The following KIAA0930 variants were observed in gnomAD, a reference collection of about 807,000 sequenced individuals.
KIAA0930 encodes KIAA0930.
A neutral mutation model predicts 43.9 loss-of-function variants in KIAA0930; 24 were observed. The ratio of observed to expected loss-of-function variants is 0.55; its 90% CI spans 0.40 to 0.77. The LOEUF is 0.77. Among genes scored for constraint, KIAA0930 ranks in the 30% least tolerant of loss-of-function variants. The probability of loss-of-function intolerance (pLI) is 0.00; values close to 1 mark genes in which losing one functional copy is unlikely to be tolerated. For synonymous variants in KIAA0930, 259 were observed against 216.4 expected, an observed-to-expected ratio of 1.20 and a Z score of -1.73; for missense variants, 461 against 574.2, an observed-to-expected ratio of 0.80 and a Z score of 2.02.
chr22:45,202,346 G>C (rs114688689), intron 7 of KIAA0930, among the ~76,000 whole-genome samples: 2,988 of 152,348 alleles, frequency 0.02, 101 homozygotes, highest in African/African-American at 0.067. Flanking sequence ...CCTGGGGAAG[G>C]AGAGTGGCCT....
rs1006700065 is a variant in KIAA0930 at position 45,240,559 on chromosome 22, G to C, written c.64+81C>G. 4.1e-6 allele frequency: 4 copies of C among 982,410 alleles called. No individual in the cohort carries two copies. In the African/African-American group the frequency reaches 5.0e-5, roughly 12 times the overall value. 60.9% of individuals were successfully genotyped at this position (982,410 alleles called of 1,614,324 possible). ...GCGCAGAGACAGAGATGCGCGGGGC[G>C]CACAGAAACACGGACGCGCAGAGGC... On this transcript the variant is annotated intron_variant, in intron 1 of 9. Coordinates refer to ENST00000336156, the MANE Select transcript of KIAA0930 (RefSeq NM_001009880.2).
intron 1 of KIAA0930, among the ~76,000 whole-genome samples, chr22:45,231,223 G>GGAAAA (rs1555901092): frequency 8.4e-5 from 4 of 47,432 alleles, no homozygotes; most frequent in South Asian, 8.5e-4. Context: ...CTCCGTCTCA[G>GGAAAA]AAAAAAAAAA....
chr22:45,197,257 C>T, intron 9 of KIAA0930, 41 bp from the exon 10 acceptor site: 2 of 1,535,886 alleles, frequency 1.3e-6, no homozygotes, highest in Non-Finnish European at 1.8e-6. Context: ...CAGTAACCCT[C>T]AACAGCGGTG....
At chr22:45,212,411 A>C in intron 1 of KIAA0930, 2 of 1,554,086 alleles carry the variant, frequency 1.3e-6, no homozygotes, top group Non-Finnish European at 1.7e-6. Flanking sequence ...AGGAAAAGGA[A>C]AATCCCGAGG....
At chr22:45,205,072 A>G (rs2083623994) in intron 5 of KIAA0930, 145 bp downstream of exon 5, 1 of 662,324 alleles carries the variant, frequency 1.5e-6, no homozygotes, top group Non-Finnish European at 2.7e-6. Context: ...CTGGGAAGAG[A>G]GAGAGCCACA....
chr22:45,196,145 G>C lies in KIAA0930; in HGVS notation c.*1031C>G, dbSNP rs2083534043. The stretch of plus-strand genomic sequence containing the variant: ...ACGCCTTCATGCTGGACCAGGCCGA[G>C]GGCAGGCCTGGGGCTGGGCAGCTGC... On this transcript the variant is annotated 3_prime_UTR_variant, in exon 10 of 10. Transcript: ENST00000336156. This position sits in a 1 kb window ranked among gnomAD's most constrained non-coding sequence, Gnocchi z 4.1. 2 of 152,274 alleles carry C rather than the reference G, an allele frequency of 1.3e-5. No homozygotes were observed. The highest frequency in any genetic ancestry group is 3.9e-4 in the East Asian group (2 of 5,188). 9.4% of individuals were successfully genotyped at this position (152,274 alleles called of 1,614,324 possible). A position where few individuals can be genotyped will look rare whatever the true frequency, so the allele number is the denominator to read the frequency against.
At chr22:45,215,891 G>A (rs1394609328) in intron 1 of KIAA0930, among the ~76,000 whole-genome samples, 1 of 152,212 alleles carries the variant, frequency 6.6e-6, no homozygotes, top group African/African-American at 2.4e-5. Flanking sequence ...AAGGGAACGG[G>A]GAGGCGGGTG....
chr22:45,230,534 A>G (rs536825172), intron 1 of KIAA0930, among the ~76,000 whole-genome samples: 31 of 144,152 alleles, frequency 2.2e-4, no homozygotes, highest in Non-Finnish European at 4.1e-4. Flanking sequence ...AATCTCAACA[A>G]ACAGGCCTTG....
intron 1 of KIAA0930, among the ~76,000 whole-genome samples, chr22:45,220,681 A>T (rs2083762164): frequency 6.6e-6 from 1 of 152,116 alleles, no homozygotes; most frequent in South Asian, 2.1e-4. Flanking sequence ...TCCAGCCTCA[A>T]GCGATCCTCC....
At chr22:45,212,962 GCT>G (rs1246884762) in intron 1 of KIAA0930, among the ~76,000 whole-genome samples, 1 of 152,130 alleles carries the variant, frequency 6.6e-6, no homozygotes, top group Admixed American at 6.5e-5. Flanking sequence ...ATGCAGCCAA[GCT>G]CTCTCTTATC....
At chr22:45,202,896 C>G in intron 7 of KIAA0930, 94 bp downstream of exon 7, 1 of 1,067,650 alleles carries the variant, frequency 9.4e-7, no homozygotes, top group Non-Finnish European at 1.3e-6. Flanking sequence ...GGGATGACAA[C>G]ACCTATGTCC....
At chr22:45,235,812 G>A (rs1039539390) in intron 1 of KIAA0930, among the ~76,000 whole-genome samples, 1 of 152,222 alleles carries the variant, frequency 6.6e-6, no homozygotes, top group African/African-American at 2.4e-5. Flanking sequence ...TGAGGACACT[G>A]AGGCCCGAGG....
Position 45,197,042 on chromosome 22 carries a change from T to G in KIAA0930, c.*134A>C. ...GTGGAGTCGGCCCCGGCCCCGGGAG[T>G]CGAGTGGCCTCGCCTGGCTGCGGCT... On this transcript the variant is annotated 3_prime_UTR_variant, in exon 10 of 10. Coordinates refer to ENST00000336156, the MANE Select transcript of KIAA0930 (RefSeq NM_001009880.2). 3 of 702,798 alleles carry G rather than the reference T, an allele frequency of 4.3e-6. No individual in the cohort carries two copies. Among genetic ancestry groups the G allele is most frequent in the African/African-American group, 3.8e-5 (2 of 53,204 alleles). The allele number at this position is 702,798 out of a possible 1,614,324, so 43.5% of individuals were successfully genotyped here.
rs890158413 is a variant in KIAA0930, at chr22:45,197,025, G to C, written c.*151C>G. ...AGTTTGGGCTGGTGTTCGTGGAGTCGGCCCCGGCCCCGGGAGTCGAGTGGC... is the reference window on the plus strand; with the variant it reads ...AGTTTGGGCTGGTGTTCGTGGAGTCCGCCCCGGCCCCGGGAGTCGAGTGGC... On this transcript the variant is annotated 3_prime_UTR_variant, in exon 10 of 10. Transcript: ENST00000336156. The C allele has an allele frequency of 3.9e-5, 24 of 620,260 alleles. No individual in the cohort carries two copies. The highest frequency in any genetic ancestry group is 1.4e-4 in the Admixed American group (4 of 28,750). The allele number at this position is 620,260 out of a possible 1,614,324, so 38.4% of individuals were successfully genotyped here.
At chr22:45,223,509 T>C (rs553732530) in intron 1 of KIAA0930, among the ~76,000 whole-genome samples, 1 of 152,238 alleles carries the variant, frequency 6.6e-6, no homozygotes, top group South Asian at 2.1e-4. Flanking sequence ...TCCTGGGTTG[T>C]TGAAAGTTAG....
rs1343812195 is a variant in KIAA0930, at chr22:45,192,473, ATGT to A, written c.*4700_*4702del. 1 of 152,264 alleles carries A rather than the reference ATGT, an allele frequency of 6.6e-6. No homozygotes were observed. The highest frequency in any genetic ancestry group is 1.5e-5 in the Non-Finnish European group (1 of 68,046). 9.4% of individuals were successfully genotyped at this position (152,264 alleles called of 1,614,324 possible). ...CAGCATCGTGTTTTTGCTAAAATAC[ATGT>A]TGTAGAAGTCATAATTCATAGTGAA... On this transcript the variant is annotated 3_prime_UTR_variant, in exon 10 of 10. Coordinates refer to ENST00000336156, the MANE Select transcript of KIAA0930 (RefSeq NM_001009880.2).
chr22:45,210,050 C>T (rs905200661), intron 2 of KIAA0930, among the ~76,000 whole-genome samples: 1 of 152,208 alleles, frequency 6.6e-6, no homozygotes, highest in Non-Finnish European at 1.5e-5. Flanking sequence ...GCACACAACC[C>T]GTCCTCCCAC....
intron 1 of KIAA0930, among the ~76,000 whole-genome samples, chr22:45,217,811 C>A (rs943110294): frequency 6.6e-6 from 1 of 152,022 alleles, no homozygotes; most frequent in Non-Finnish European, 1.5e-5. Context: ...ACCAGGAAAA[C>A]TGATATTTGC....
chr22:45,204,742 C>T (rs1429930186), intron 5 of KIAA0930, among the ~76,000 whole-genome samples: 1 of 149,112 alleles, frequency 6.7e-6, no homozygotes, highest in African/African-American at 2.4e-5. Context: ...CTCGGTGAGT[C>T]TCCTTCTGCC....
Sources: allele counts gnomAD v4.1 joint callset (sites outside exome capture counted in the v4.1 genomes callset), GRCh38; gene constraint gnomAD v4.1.1; non-coding constraint Gnocchi (gnomAD v3.1); transcripts MANE v1.5; gene names NCBI Gene and HGNC (gene_info 2026-07-23, HGNC 2026-07-21).